The following DNAI1 variants were observed in gnomAD, a reference collection of about 807,000 sequenced individuals.
DNAI1 encodes the protein dynein axonemal intermediate chain 1.
In DNAI1, 67 loss-of-function variants were observed where a neutral mutation model predicts 92.0. The observed-to-expected ratio is 0.73, with a 90% CI of 0.60 to 0.89. DNAI1 has a LOEUF of 0.89. Ranked by LOEUF, DNAI1 falls within the 40% of genes least tolerant of loss-of-function variation. DNAI1 has a pLI of 0.00. For missense variants in DNAI1, 839 were observed against 866.6 expected, an observed-to-expected ratio of 0.97 and a Z score of 0.40; for synonymous variants, 323 against 319.6, an observed-to-expected ratio of 1.01 and a Z score of -0.11.
intron 1 of DNAI1, among the ~76,000 whole-genome samples, chr9:34,483,235 T>TG (rs1237932090): frequency 2.6e-5 from 4 of 152,112 alleles, no homozygotes; most frequent in Non-Finnish European, 4.4e-5. Flanking sequence ...CACAGTGCAG[T>TG]GGGGGGCTGA....
intron 12 of DNAI1, among the ~76,000 whole-genome samples, chr9:34,505,826 C>T (rs776940450): frequency 7.9e-4 from 120 of 152,370 alleles, no homozygotes; most frequent in Admixed American, 2.2e-3. Context: ...TTCCACCTCT[C>T]CAGCTTCGGC....
At chr9:34,467,851 C>T (rs970102993) in intron 1 of DNAI1, among the ~76,000 whole-genome samples, 7 of 152,168 alleles carry the variant, frequency 4.6e-5, no homozygotes, top group Admixed American at 3.9e-4. Flanking sequence ...AAACACTCAA[C>T]GTGAGTCACA....
chr9:34,500,609 C>T, intron 10 of DNAI1, 113 bp from the exon 11 acceptor site: 1 of 735,176 alleles, frequency 1.4e-6, no homozygotes, highest in Non-Finnish European at 2.5e-6. Flanking sequence ...ATTATTCCCA[C>T]TCTAAAACAG....
intron 1 of DNAI1, among the ~76,000 whole-genome samples, chr9:34,468,478 C>T (rs1263639374): frequency 6.6e-6 from 1 of 151,612 alleles, no homozygotes; most frequent in Non-Finnish European, 1.5e-5. Context: ...CGTGAGCCAC[C>T]ACGCCCGGCC....
chr9:34,485,415 T>C (rs1243874512), intron 3 of DNAI1, 22 bp from the exon 4 acceptor site: 1 of 1,613,626 alleles, frequency 6.2e-7, no homozygotes, highest in Non-Finnish European at 8.5e-7. Context: ...TGTATGACCC[T>C]CTTGGTATTT....
Position 34,517,335 on chromosome 9 carries a change from GC to G in DNAI1, c.1871del (p.Pro624LeufsTer66), listed in dbSNP as rs1168493593. On this transcript the variant is annotated frameshift_variant, in exon 19 of 20. Coordinates refer to ENST00000242317, the MANE Select transcript of DNAI1 (RefSeq NM_012144.4). LOFTEE classifies it high-confidence loss of function. Reference protein sequence around the residue: ...INKYEAICNQPVAAKKNRLTH... With the variant: ...INKYEAICNQXVAAKKNRLTH... Reference sequence around the variant, plus strand: ...ACAAGTATGAGGCCATCTGCAACCAGCCTGTGGCGGCCAAAAAGAACAGGCT... The same window carrying G: ...ACAAGTATGAGGCCATCTGCAACCAGCTGTGGCGGCCAAAAAGAACAGGCT... 6.2e-7 allele frequency: 1 copy of G among 1,614,106 alleles called. No individual in the cohort carries two copies. The highest frequency in any genetic ancestry group is 1.1e-5 in the South Asian group (1 of 91,060).
At chr9:34,505,286 A>G (rs1053131633) in intron 12 of DNAI1, among the ~76,000 whole-genome samples, 2 of 152,054 alleles carry the variant, frequency 1.3e-5, no homozygotes, top group East Asian at 3.9e-4. Flanking sequence ...CCCACATTCC[A>G]TGGCTTGTGG....
At chr9:34,492,504 A>ATCTATATATATCTATATATATC (rs1265007021) in intron 8 of DNAI1, among the ~76,000 whole-genome samples, 1 of 51,124 alleles carries the variant, frequency 2.0e-5, no homozygotes, top group African/African-American at 6.8e-5. Flanking sequence ...ATATATATAT[A>ATCTATATATATCTATATATATC]TATATATATA....
intron 9 of DNAI1, among the ~76,000 whole-genome samples, chr9:34,495,721 G>A (rs1824708715): frequency 6.6e-6 from 1 of 152,152 alleles, no homozygotes; most frequent in South Asian, 2.1e-4. Context: ...GGGCCCATAG[G>A]TAGAAGATGC....
chr9:34,482,718 C>CG (rs1417818314), intron 1 of DNAI1, among the ~76,000 whole-genome samples: 3 of 152,408 alleles, frequency 2.0e-5, no homozygotes, highest in Non-Finnish European at 4.4e-5. Flanking sequence ...GATCCCCCAC[C>CG]GGGGCTGCAG....
At chr9:34,483,306 G>T in intron 1 of DNAI1, 142 bp from the exon 2 acceptor site, 1 of 776,568 alleles carries the variant, frequency 1.3e-6, no homozygotes, top group Non-Finnish European at 2.2e-6. Flanking sequence ...GAGCAAGCGA[G>T]GGCTCTGAGG....
At chr9:34,520,059 C>T (rs904544760) in intron 19 of DNAI1, among the ~76,000 whole-genome samples, 4 of 152,162 alleles carry the variant, frequency 2.6e-5, no homozygotes, top group Non-Finnish European at 5.9e-5. Flanking sequence ...CCTGGAGTCA[C>T]ATGGACTATT....
intron 1 of DNAI1, 94 bp downstream of exon 1, chr9:34,459,147 C>T (rs1823888409): frequency 9.7e-6 from 12 of 1,235,502 alleles, no homozygotes; most frequent in Admixed American, 1.8e-5. Flanking sequence ...TTGATCTTTT[C>T]TCTGTTGACC....
chr9:34,499,073 T>A (rs1277275520), intron 10 of DNAI1, among the ~76,000 whole-genome samples: 1 of 152,246 alleles, frequency 6.6e-6, no homozygotes, highest in Non-Finnish European at 1.5e-5. Context: ...TTGATTTTTT[T>A]AATTGCATAC....
At position 34,497,112 on chromosome 9, in the gene DNAI1, C is replaced by T. The variant is rs1587076757; in HGVS notation, c.817-3C>T. 1 of 1,613,476 alleles carries T rather than the reference C, an allele frequency of 6.2e-7. No homozygotes were observed. Among genetic ancestry groups the T allele is most frequent in the Non-Finnish European group, 8.5e-7 (1 of 1,179,376 alleles). ...AGGACCTGAAGTTTCTGTATCCCCA[C>T]AGACTGATGATCTCATCAAATTGTC... On this transcript the variant is annotated splice_polypyrimidine_tract_variant and splice_region_variant and intron_variant, in intron 9 of 19. Coordinates refer to ENST00000242317, the MANE Select transcript of DNAI1 (RefSeq NM_012144.4).
At chr9:34,486,429 A>C (rs982444630) in intron 4 of DNAI1, among the ~76,000 whole-genome samples, 2 of 152,144 alleles carry the variant, frequency 1.3e-5, no homozygotes, top group African/African-American at 4.8e-5. Context: ...CCAAAGCAAC[A>C]TTACATTGCT....
chr9:34,505,586 C>T (rs747360133), intron 12 of DNAI1, among the ~76,000 whole-genome samples: 1 of 152,226 alleles, frequency 6.6e-6, no homozygotes. Context: ...CCAAGTGCCT[C>T]TTGCATGACT....
intron 1 of DNAI1, among the ~76,000 whole-genome samples, chr9:34,480,506 G>A (rs1288352515): frequency 6.6e-6 from 1 of 151,902 alleles, no homozygotes; most frequent in Non-Finnish European, 1.5e-5. Context: ...TCCAACTTGT[G>A]ACCTCAGGTG....
At chr9:34,504,213 T>C (rs1824882686) in intron 12 of DNAI1, among the ~76,000 whole-genome samples, 1 of 152,200 alleles carries the variant, frequency 6.6e-6, no homozygotes, top group Non-Finnish European at 1.5e-5. Flanking sequence ...GAGTCCCAGC[T>C]CTAAATCCCT....
Sources: gnomAD v4.1 joint callset for allele counts (sites outside exome capture counted in the v4.1 genomes callset) on GRCh38, gnomAD v4.1.1 for gene constraint, MANE v1.5 for transcripts, NCBI Gene and HGNC (gene_info 2026-07-23, HGNC 2026-07-21) for gene names.